Variants in ITGA9 observed in about 807,000 individuals in gnomAD.
ITGA9 encodes integrin subunit alpha 9, also known as integrin alpha-9.
ITGA9 carries 56 observed loss-of-function variants against 127.8 expected under a neutral mutation model. The ratio of observed to expected loss-of-function variants is 0.44; its 90% CI spans 0.35 to 0.55. The LOEUF (loss-of-function observed/expected upper bound fraction) is 0.55. Among genes scored for constraint, ITGA9 ranks in the 20% least tolerant of loss-of-function variants. The pLI is 0.00. For synonymous variants in ITGA9, 508 were observed against 514.5 expected, an observed-to-expected ratio of 0.99 and a Z score of 0.17; for missense variants, 1,196 against 1,347.1, an observed-to-expected ratio of 0.89 and a Z score of 1.76.
At chr3:37,455,438 A>G (rs1698245454) in intron 1 of ITGA9, among the ~76,000 whole-genome samples, 1 of 152,304 alleles carries the variant, frequency 6.6e-6, no homozygotes, top group East Asian at 1.9e-4. Flanking sequence ...AGAAAAATAC[A>G]TTAATTTATT....
At position 37,520,766 on chromosome 3, in the gene ITGA9, C is replaced by A. The variant is rs577590328; in HGVS notation, c.1236+1412C>A. On this transcript the variant is annotated intron_variant, in intron 11 of 27. Coordinates refer to ENST00000264741, the MANE Select transcript of ITGA9 (RefSeq NM_002207.3). The stretch of plus-strand genomic sequence containing the variant: ...TCACAAGAGCTGCCCTAGGCTGCGG[C>A]AGGGATGCTCTTCCCAGGGTGACAA... Among the ~76,000 whole-genome samples the A allele has an allele frequency of 7.2e-5, 11 of 152,318 alleles. 1 individual carries two copies. In the South Asian group the frequency reaches 1.4e-3, roughly 20 times the overall value.
intron 15 of ITGA9, among the ~76,000 whole-genome samples, chr3:37,594,746 C>T (rs913199670): frequency 1.4e-4 from 21 of 152,186 alleles, no homozygotes; most frequent in Non-Finnish European, 2.8e-4. Context: ...AGAGTACTTA[C>T]AACACTTCAC....
intron 18 of ITGA9, among the ~76,000 whole-genome samples, chr3:37,704,566 C>A (rs1475476772): frequency 1.3e-5 from 2 of 152,180 alleles, no homozygotes; most frequent in Non-Finnish European, 2.9e-5. Flanking sequence ...CTTTGTGAGT[C>A]AGGGGGCTTG....
Position 37,481,756 on chromosome 3 carries a change from G to C in ITGA9, c.544+149G>C. The stretch of plus-strand genomic sequence containing the variant: ...ACTGTTTGCTCCCAGATGGTCTCTT[G>C]GTCCCCAAGGCCCTGCCCAGAGAAG... On this transcript the variant is annotated intron_variant, in intron 4 of 27. Coordinates refer to ENST00000264741, the MANE Select transcript of ITGA9 (RefSeq NM_002207.3). The C allele has an allele frequency of 1.3e-5, 14 of 1,117,586 alleles. No individual in the cohort carries two copies. In the South Asian group the frequency reaches 1.8e-4, roughly 14 times the overall value. The allele number at this position is 1,117,586 out of a possible 1,614,324, so 69.2% of individuals were successfully genotyped here. A position where few individuals can be genotyped will look rare whatever the true frequency, so the allele number is the denominator to read the frequency against.
intron 8 of ITGA9, among the ~76,000 whole-genome samples, chr3:37,511,117 G>A (rs779219246): frequency 5.3e-5 from 8 of 152,120 alleles, no homozygotes; most frequent in Admixed American, 1.3e-4. Flanking sequence ...TTCTGCTTCC[G>A]TTTGGCTAGA....
At chr3:37,620,147 G>A (rs991504395) in intron 15 of ITGA9, among the ~76,000 whole-genome samples, 8 of 152,184 alleles carry the variant, frequency 5.3e-5, no homozygotes, top group Admixed American at 3.3e-4. Flanking sequence ...TACCCTCAAA[G>A]GGAGAAGATT....
intron 1 of ITGA9, among the ~76,000 whole-genome samples, chr3:37,465,590 G>C (rs1412930933): frequency 1.3e-5 from 2 of 152,180 alleles, no homozygotes; most frequent in Admixed American, 1.3e-4. Flanking sequence ...TGCATGAACC[G>C]ATGCACCCAC....
intron 15 of ITGA9, among the ~76,000 whole-genome samples, chr3:37,582,703 ACC>A (rs1271869080): frequency 4.6e-5 from 7 of 152,140 alleles, no homozygotes; most frequent in Non-Finnish European, 7.4e-5. Context: ...GAAGGAATAA[ACC>A]TGTAGTTGGA....
chr3:37,711,584 C>T (rs889146522), intron 18 of ITGA9, among the ~76,000 whole-genome samples: 5 of 152,076 alleles, frequency 3.3e-5, no homozygotes, highest in East Asian at 1.9e-4. Flanking sequence ...TTTAATTTTT[C>T]GTAGAGATGG....
chr3:37,483,298 G>A (rs1178484120), intron 4 of ITGA9, among the ~76,000 whole-genome samples: 4 of 152,170 alleles, frequency 2.6e-5, no homozygotes, highest in Non-Finnish European at 5.9e-5. Context: ...GCAGGTCCAC[G>A]AGGCTCATAA....
chr3:37,513,134 C>A (rs924587121), intron 8 of ITGA9, among the ~76,000 whole-genome samples: 3 of 152,138 alleles, frequency 2.0e-5, no homozygotes, highest in African/African-American at 7.2e-5. Flanking sequence ...ATTTCATATT[C>A]CTACTTGCTT....
intron 20 of ITGA9, among the ~76,000 whole-genome samples, chr3:37,740,877 C>T (rs766545936): frequency 5.9e-5 from 9 of 152,078 alleles, no homozygotes; most frequent in Non-Finnish European, 8.8e-5. Context: ...TCAAAAATAT[C>T]GATGCCTGAT....
At chr3:37,728,520 C>T (rs1344564795) in intron 18 of ITGA9, among the ~76,000 whole-genome samples, 1 of 152,156 alleles carries the variant, frequency 6.6e-6, no homozygotes, top group Non-Finnish European at 1.5e-5. Context: ...AGGTTATGCC[C>T]TGGGCATGAT....
chr3:37,496,458 C>T (rs2125566585), intron 5 of ITGA9, among the ~76,000 whole-genome samples: 1 of 152,282 alleles, frequency 6.6e-6, no homozygotes, highest in South Asian at 2.1e-4. Context: ...CCCTCAAAAC[C>T]TCTAACAATG....
intron 15 of ITGA9, among the ~76,000 whole-genome samples, chr3:37,578,124 G>A (rs1442260285): frequency 1.3e-5 from 2 of 152,316 alleles, no homozygotes; most frequent in Non-Finnish European, 2.9e-5. Flanking sequence ...GGAGGCTGCA[G>A]TTGAGAGGTA....
chr3:37,813,776 G>A (rs1420522172), intron 27 of ITGA9, among the ~76,000 whole-genome samples: 2 of 151,992 alleles, frequency 1.3e-5, no homozygotes, highest in Non-Finnish European at 2.9e-5. Context: ...TACTTAGCAA[G>A]TCCTCAATTC....
chr3:37,524,043 G>A (rs1699070122), intron 12 of ITGA9, among the ~76,000 whole-genome samples: 1 of 152,140 alleles, frequency 6.6e-6, no homozygotes, highest in Non-Finnish European at 1.5e-5. Context: ...GAAAGATTTG[G>A]AGTTAAAAGA....
At chr3:37,528,700 G>T (rs752777022) in intron 13 of ITGA9, among the ~76,000 whole-genome samples, 2 of 152,102 alleles carry the variant, frequency 1.3e-5, no homozygotes, top group African/African-American at 2.4e-5. Context: ...AGCTCCTACC[G>T]CATGCCTGGC....
intron 15 of ITGA9, among the ~76,000 whole-genome samples, chr3:37,543,421 C>T (rs1452181438): frequency 2.0e-5 from 3 of 152,208 alleles, no homozygotes; most frequent in African/African-American, 7.2e-5. Flanking sequence ...GTCTCAGTCT[C>T]TGCATCTCTA....
Sources: gnomAD v4.1 joint callset for allele counts (sites outside exome capture counted in the v4.1 genomes callset) on GRCh38, gnomAD v4.1.1 for gene constraint, MANE v1.5 for transcripts, NCBI Gene and HGNC (gene_info 2026-07-23, HGNC 2026-07-21) for gene names.